MAN1A2: variants seen among roughly 807,000 people sequenced by gnomAD.
The protein encoded by MAN1A2 is mannosyl-oligosaccharide 1,2-alpha-mannosidase IB.
Under a neutral mutation model 75.7 loss-of-function variants are expected in MAN1A2, and 26 were observed. The ratio of observed to expected loss-of-function variants is 0.34; its 90% CI spans 0.25 to 0.48. The LOEUF is 0.48. Ranked by LOEUF, MAN1A2 falls within the 20% of genes least tolerant of loss-of-function variation. The pLI is 0.99. For missense variants in MAN1A2, 562 were observed against 775.5 expected (o/e 0.72, Z 3.27); for synonymous variants, 247 against 264.6 (o/e 0.93, Z 0.65).
At chr1:117,438,474 A>G (rs1260623788) in intron 5 of MAN1A2, among the ~76,000 whole-genome samples, 2 of 152,178 alleles carry the variant, frequency 1.3e-5, no homozygotes, top group East Asian at 3.9e-4. Flanking sequence ...TAATTGTAAA[A>G]AATAAATTAG....
chr1:117,506,298 C>A (rs1050048202), intron 12 of MAN1A2, among the ~76,000 whole-genome samples: 1 of 151,486 alleles, frequency 6.6e-6, no homozygotes, highest in Admixed American at 6.6e-5. Flanking sequence ...CTGATTGTCA[C>A]GGCAGTGGCA....
intron 1 of MAN1A2, 113 bp from the exon 2 acceptor site, chr1:117,402,073 A>G: frequency 9.0e-7 from 1 of 1,112,890 alleles, no homozygotes; most frequent in South Asian, 1.7e-5. Context: ...TTTAATGGCA[A>G]AAGTAGAAAA....
chr1:117,389,173 G>C (rs909729977), intron 1 of MAN1A2, among the ~76,000 whole-genome samples: 1 of 152,140 alleles, frequency 6.6e-6, no homozygotes, highest in Admixed American at 6.5e-5. Context: ...AAGAAAGAAC[G>C]AGTTACTATG....
chr1:117,485,177 C>G (rs1557970036), intron 8 of MAN1A2, among the ~76,000 whole-genome samples: 2 of 151,836 alleles, frequency 1.3e-5, no homozygotes, highest in Non-Finnish European at 2.9e-5. Context: ...CTTTAGCTTC[C>G]ATGTGCTTTG....
At chr1:117,394,721 A>G (rs1653852080) in intron 1 of MAN1A2, among the ~76,000 whole-genome samples, 1 of 152,180 alleles carries the variant, frequency 6.6e-6, no homozygotes, top group South Asian at 2.1e-4. Flanking sequence ...GGGAGCTTCA[A>G]AGGAAGGATC....
At chr1:117,442,090 C>T (rs1649055068) in intron 5 of MAN1A2, 141 bp from the exon 6 acceptor site, 1 of 489,764 alleles carries the variant, frequency 2.0e-6, no homozygotes, top group African/African-American at 2.0e-5. Context: ...CAAATGCTGC[C>T]TGGTACCAAT....
intron 12 of MAN1A2, chr1:117,515,524 G>A: frequency 6.6e-6 from 1 of 151,796 alleles, no homozygotes; most frequent in Admixed American, 6.6e-5. Context: ...TAATAGGTGG[G>A]GTAAAACAGA....
chr1:117,505,625 AGCAGTACATTCAGCATTGCACTTCCTG>A (rs1390284126), intron 12 of MAN1A2, among the ~76,000 whole-genome samples: 6 of 151,308 alleles, frequency 4.0e-5, no homozygotes, highest in Admixed American at 6.6e-5. Context: ...GTCACAGTTG[AGCAGTACATTCAGCATTGCACTTCCTG>A]GCAGTACATT....
chr1:117,427,429 A>G (rs531891144), intron 5 of MAN1A2, among the ~76,000 whole-genome samples: 5 of 152,352 alleles, frequency 3.3e-5, no homozygotes, highest in African/African-American at 9.6e-5. Context: ...AGATAGATCA[A>G]TGTAAATTAT....
intron 8 of MAN1A2, among the ~76,000 whole-genome samples, chr1:117,473,562 C>G (rs1650226532): frequency 6.6e-6 from 1 of 151,970 alleles, no homozygotes; most frequent in Non-Finnish European, 1.5e-5. Context: ...CTTATTATCT[C>G]TTTTCCTTCA....
chr1:117,384,631 T>A (rs1653460312), intron 1 of MAN1A2, among the ~76,000 whole-genome samples: 1 of 152,182 alleles, frequency 6.6e-6, no homozygotes, highest in South Asian at 2.1e-4. Context: ...TTATTGATCT[T>A]TCTAGATGTT....
At chr1:117,503,507 A>G (rs2101883405) in intron 12 of MAN1A2, among the ~76,000 whole-genome samples, 1 of 151,592 alleles carries the variant, frequency 6.6e-6, no homozygotes, top group Admixed American at 6.6e-5. Flanking sequence ...AGACAACTTT[A>G]TTTTCGTCTT....
At chr1:117,399,395 A>G (rs1477926713) in intron 1 of MAN1A2, among the ~76,000 whole-genome samples, 1 of 152,184 alleles carries the variant, frequency 6.6e-6, no homozygotes, top group South Asian at 2.1e-4. Context: ...CAATCTCCCC[A>G]TTTGTCATCA....
chr1:117,416,281 A>G (rs2101773532), intron 4 of MAN1A2, among the ~76,000 whole-genome samples: 1 of 152,254 alleles, frequency 6.6e-6, no homozygotes, highest in South Asian at 2.1e-4. Flanking sequence ...ATACTAAACT[A>G]TCTTAACTAC....
chr1:117,402,479 A>T (rs1411084352), intron 2 of MAN1A2, 38 bp downstream of exon 2: 1 of 1,533,488 alleles, frequency 6.5e-7, no homozygotes, highest in African/African-American at 1.4e-5. Context: ...GTGTTTATGG[A>T]TTTGTATTTG....
At chr1:117,517,407 A>G (rs1224772416) in intron 12 of MAN1A2, among the ~76,000 whole-genome samples, 1 of 152,174 alleles carries the variant, frequency 6.6e-6, no homozygotes, top group Non-Finnish European at 1.5e-5. Context: ...TATGATAACT[A>G]TGTTCCCTCT....
intron 8 of MAN1A2, among the ~76,000 whole-genome samples, chr1:117,490,291 G>A (rs1001904367): frequency 1.6e-4 from 24 of 151,896 alleles, no homozygotes; most frequent in Non-Finnish European, 2.9e-4. Flanking sequence ...TGTTCGCTTT[G>A]TGTCTCTGGG....
intron 1 of MAN1A2, among the ~76,000 whole-genome samples, chr1:117,395,624 T>C (rs1190897347): frequency 1.3e-5 from 2 of 152,222 alleles, no homozygotes; most frequent in East Asian, 3.9e-4. Context: ...AACCTTATAT[T>C]ACTTATGGGA....
At chr1:117,492,883 A>C (rs572905034) in intron 8 of MAN1A2, among the ~76,000 whole-genome samples, 1 of 152,076 alleles carries the variant, frequency 6.6e-6, no homozygotes, top group Non-Finnish European at 1.5e-5. Flanking sequence ...AACAAACTGT[A>C]ATTCAAGAAA....
Sources: allele counts gnomAD v4.1 joint callset (sites outside exome capture counted in the v4.1 genomes callset), GRCh38; gene constraint gnomAD v4.1.1; transcripts MANE v1.5; gene names NCBI Gene and HGNC (gene_info 2026-07-23, HGNC 2026-07-21).